EPPK1: variants seen among roughly 807,000 people sequenced by gnomAD.
EPPK1 encodes the protein epiplakin 1.
For synonymous variants in EPPK1, 1,862 were observed against 1,721.2 expected, an observed-to-expected ratio of 1.08 and a Z score of -2.03; for missense variants, 3,823 against 3,673.3, an observed-to-expected ratio of 1.04 and a Z score of -1.05.
At chr8:143,874,488 G>C (rs563172578) in intron 1 of EPPK1, among the ~76,000 whole-genome samples, 1 of 152,182 alleles carries the variant, frequency 6.6e-6, no homozygotes, top group Non-Finnish European at 1.5e-5. Context: ...GCCGTGTGAC[G>C]ACAGAGGCAG....
chr8:143,876,699 A>G (rs1489844889), intron 1 of EPPK1, among the ~76,000 whole-genome samples: 3 of 152,220 alleles, frequency 2.0e-5, no homozygotes, highest in African/African-American at 7.2e-5. Context: ...AGGACCCTCC[A>G]GGATCTGTGA....
chr8:143,867,312 G>A lies in EPPK1; in HGVS notation c.5942C>T (p.Pro1981Leu), dbSNP rs782487282. Reference sequence around the variant, plus strand: ...CAGCGGGATCGTGTCTCCTGTGGCCGGATCCCTGTAGCCCGTGGCAGCTCT... The same window carrying A: ...CAGCGGGATCGTGTCTCCTGTGGCCAGATCCCTGTAGCCCGTGGCAGCTCT... ...AERAATGYRD[P>L]ATGDTIPLFQ... Residue 1981 changes from proline (P) to leucine (L), a missense_variant, in exon 2 of 2, where the codon CCG (proline) becomes CTG (leucine). Physicochemically the swap from Pro to Leu is moderately conservative, Grantham distance 98. Coordinates refer to ENST00000615648, the MANE Select transcript of EPPK1 (RefSeq NM_031308.4). The A allele has an allele frequency of 2.3e-5, 37 of 1,612,448 alleles. No homozygotes were observed. Among genetic ancestry groups the A allele is most frequent in the South Asian group, 1.8e-4 (16 of 91,046 alleles).
intron 1 of EPPK1, among the ~76,000 whole-genome samples, chr8:143,878,072 C>T (rs1395519068): frequency 6.6e-6 from 1 of 152,112 alleles, no homozygotes; most frequent in Non-Finnish European, 1.5e-5. Context: ...CAGAGCGTGC[C>T]CCGGGCGGTC....
rs1554661745 is a variant in EPPK1 at position 143,872,871 on chromosome 8, C to T, written c.383G>A (p.Gly128Asp). Residue 128 changes from glycine (G) to aspartate (D), a missense_variant, in exon 2 of 2, where the codon GGT (glycine) becomes GAT (aspartate). Gly to Asp is a moderately conservative substitution (Grantham distance 94). Transcript: ENST00000615648. Reference protein sequence around the residue: ...ATTGYPDPYGGEKLALFQAIG... With the variant: ...ATTGYPDPYGDEKLALFQAIG... ...GGCCTGAAAGAGGGCCAGCTTCTCA[C>T]CGCCGTAGGGGTCAGGATAGCCCGT... The T allele has an allele frequency of 2.8e-5, 44 of 1,580,430 alleles. No homozygotes were observed. Among genetic ancestry groups the T allele is most frequent in the Non-Finnish European group, 3.7e-5 (43 of 1,164,018 alleles).
intron 1 of EPPK1, among the ~76,000 whole-genome samples, chr8:143,877,656 G>T (rs1819507537): frequency 6.6e-6 from 1 of 152,164 alleles, no homozygotes; most frequent in Admixed American, 6.5e-5. Context: ...GTCAGGTCAG[G>T]ACAGACCCTG....
chr8:143,866,846 C>T lies in EPPK1; in HGVS notation c.6408G>A (p.Lys2136=). ...LNSEYVTEEK[K]LQLVRMYRTH... Reference sequence around the variant, plus strand: ...TTCTATACATCCTCACCAGCTGGAGCTTCTTCTCCTCTGTCACGTATTCGG... The same window carrying T: ...TTCTATACATCCTCACCAGCTGGAGTTTCTTCTCCTCTGTCACGTATTCGG... Residue 2136 remains lysine, a synonymous_variant, in exon 2 of 2, where the codon AAG becomes AAA. Coordinates refer to ENST00000615648, the MANE Select transcript of EPPK1 (RefSeq NM_031308.4). The T allele has an allele frequency of 2.5e-6, 4 of 1,613,330 alleles. No homozygotes were observed. Among genetic ancestry groups the T allele is most frequent in the Non-Finnish European group, 3.4e-6 (4 of 1,179,826 alleles).
chr8:143,871,732 C>G lies in EPPK1; in HGVS notation c.1522G>C (p.Val508Leu), dbSNP rs782335972. ...GAGAAGAGCAGCTCCCAGAGGGACA[C>G]GGGCCGGCCCCGGAACTTCCCCACA... ...VSVGKFRGRP[V>L]SLWELLFSEA... The change falls in exon 2 of 2, where the codon GTG becomes CTG. Residue 508 changes from valine (V) to leucine (L), a missense_variant. Transcript: ENST00000615648. The G allele has an allele frequency of 6.2e-7, 1 of 1,609,044 alleles. No individual in the cohort carries two copies. The highest frequency in any genetic ancestry group is 8.5e-7 in the Non-Finnish European group (1 of 1,178,500).
upstream of EPPK1, among the ~76,000 whole-genome samples, chr8:143,879,189 T>G (rs1225434326): frequency 6.6e-6 from 1 of 152,018 alleles, no homozygotes; most frequent in Admixed American, 6.5e-5. Flanking sequence ...CTTCCATGGA[T>G]CTTCTGGAGG....
chr8:143,874,875 C>T (rs1554662151), intron 1 of EPPK1, among the ~76,000 whole-genome samples: 2 of 152,080 alleles, frequency 1.3e-5, no homozygotes, highest in African/African-American at 4.8e-5. Flanking sequence ...ACGTTTGACC[C>T]CCACCCCCAC....
intron 1 of EPPK1, 24 bp downstream of exon 1, chr8:143,878,414 C>CCGCACCCGT (rs1819530191): frequency 1.0e-5 from 1 of 96,772 alleles, no homozygotes; most frequent in African/African-American, 4.0e-5. Context: ...GCCGCACCCG[C>CCGCACCCGT]CGCACCCGCC....
rs782649866 is a variant in EPPK1 at position 143,869,350 on chromosome 8, C to T, written c.3904G>A (p.Asp1302Asn). Residue 1302 changes from aspartate to asparagine, a missense_variant, in exon 2 of 2, where the codon GAC (aspartate) becomes AAC (asparagine). Coordinates refer to ENST00000615648, the MANE Select transcript of EPPK1 (RefSeq NM_031308.4). ...CCCACCAGGCCGACCTTAACCGCGTCCTCCACTGACAGTCTCTGGTTGTTC... is the reference window on the plus strand; with the variant it reads ...CCCACCAGGCCGACCTTAACCGCGTTCTCCACTGACAGTCTCTGGTTGTTC... ...PLNNQRLSVE[D>N]AVKVGLVGRE... The T allele has an allele frequency of 3.7e-6, 6 of 1,610,424 alleles. No homozygotes were observed. In the Admixed American group the frequency reaches 8.4e-5, roughly 22 times the overall value.
chr8:143,872,134 G>A lies in EPPK1; in HGVS notation c.1120C>T (p.Gln374Ter). The change falls in exon 2 of 2, where the codon CAA becomes TAA. Residue 374 changes from glutamine (Q) to a stop codon, truncating the protein, a stop_gained. Transcript: ENST00000615648. LOFTEE classifies it low-confidence loss of function (END_TRUNC). The part of the protein sequence containing the change: ...TGHHDPFSGS[Q>*]IPLFQAMKKG... ...TTCATGGCCTGGAAAAGGGGGATTTGGGAGCCACTGAAGGGGTCGTGGTGC... is the reference window on the plus strand; with the variant it reads ...TTCATGGCCTGGAAAAGGGGGATTTAGGAGCCACTGAAGGGGTCGTGGTGC... 1.3e-6 allele frequency: 2 copies of A among 1,570,358 alleles called. No homozygotes were observed. The highest frequency in any genetic ancestry group is 1.7e-6 in the Non-Finnish European group (2 of 1,158,800).
intron 1 of EPPK1, among the ~76,000 whole-genome samples, chr8:143,877,367 T>G (rs1436616027): frequency 2.6e-5 from 4 of 152,078 alleles, no homozygotes; most frequent in Non-Finnish European, 5.9e-5. Flanking sequence ...TGGGGGCATC[T>G]GGAGGAGGTG....
At position 143,870,978 on chromosome 8, in the gene EPPK1, T is replaced by G; in HGVS notation, c.2276A>C (p.Asp759Ala). The part of the protein sequence containing the change: ...FDQMLNLILL[D>A]PSDDTKGFFD... ...GAAGCCCTTGGTGTCGTCAGAAGGGTCCAACAGGATCAAGTTCAGCATCTG... is the reference window on the plus strand; with the variant it reads ...GAAGCCCTTGGTGTCGTCAGAAGGGGCCAACAGGATCAAGTTCAGCATCTG... Residue 759 changes from aspartate to alanine, a missense_variant, in exon 2 of 2, where the codon GAC (aspartate) becomes GCC (alanine). By Grantham distance (126) the Asp-to-Ala change is moderately radical. Transcript: ENST00000615648. This position sits in a 1 kb window ranked among gnomAD's most constrained non-coding sequence, Gnocchi z 5.2. The G allele has an allele frequency of 1.9e-6, 3 of 1,613,240 alleles. No homozygotes were observed. The highest frequency in any genetic ancestry group is 2.5e-6 in the Non-Finnish European group (3 of 1,179,960).
At position 143,871,907 on chromosome 8, in the gene EPPK1, T is replaced by C; in HGVS notation, c.1347A>G (p.Glu449=). 1 of 1,608,144 alleles carries C rather than the reference T, an allele frequency of 6.2e-7. No homozygotes were observed. The highest frequency in any genetic ancestry group is 8.5e-7 in the Non-Finnish European group (1 of 1,179,646). ...CGGTGACACAGAGGGCCAGCAGCTGTTCATAGCGCAGGCCGCCGTGCGTGC... is the reference window on the plus strand; with the variant it reads ...CGGTGACACAGAGGGCCAGCAGCTGCTCATAGCGCAGGCCGCCGTGCGTGC... ...SDGTHGGLRY[E]QLLALCVTDP... The change falls in exon 2 of 2, where the codon GAA becomes GAG. Residue 449 remains glutamate (E), a synonymous_variant. Coordinates refer to ENST00000615648, the MANE Select transcript of EPPK1 (RefSeq NM_031308.4).
Position 143,872,396 on chromosome 8 carries a change from G to A in EPPK1, c.858C>T (p.Ser286=), listed in dbSNP as rs781800583. 2.7e-5 allele frequency: 43 copies of A among 1,602,624 alleles called. No individual in the cohort carries two copies. Among genetic ancestry groups the A allele is most frequent in the East Asian group, 2.5e-4 (11 of 44,852 alleles). ...EVRRYLEGTG[S]VAGVVLLPEG... ...CGGGCAGCAGGACAACCCCGGCCACGCTGCCGGTACCCTCCAGGTAGCGCC... is the reference window on the plus strand; with the variant it reads ...CGGGCAGCAGGACAACCCCGGCCACACTGCCGGTACCCTCCAGGTAGCGCC... The change falls in exon 2 of 2, where the codon AGC becomes AGT. Residue 286 remains serine (S), a synonymous_variant. Coordinates refer to ENST00000615648, the MANE Select transcript of EPPK1 (RefSeq NM_031308.4).
At chr8:143,875,998 G>A (rs546019498) in intron 1 of EPPK1, among the ~76,000 whole-genome samples, 20 of 152,170 alleles carry the variant, frequency 1.3e-4, no homozygotes, top group Non-Finnish European at 1.9e-4. Context: ...CGACCCCACA[G>A]CTCTGGGGCG....
In EPPK1 at chr8:143,867,031, G is replaced by A; in HGVS notation, c.6223C>T (p.Gln2075Ter). 29 of 1,612,816 alleles carry A rather than the reference G, an allele frequency of 1.8e-5. No homozygotes were observed. The highest frequency in any genetic ancestry group is 2.5e-5 in the Non-Finnish European group (29 of 1,179,842). The change falls in exon 2 of 2, where the codon CAA (glutamine) becomes TAA (stop). Residue 2075 changes from glutamine (Q) to a stop codon, truncating the protein, a stop_gained. Transcript: ENST00000615648. LOFTEE classifies it low-confidence loss of function (END_TRUNC). ...YRELQERCRP[Q>*]EDTGWLLFPV... The stretch of plus-strand genomic sequence containing the variant: ...AACAGCAGCCAGCCCGTGTCCTCTT[G>A]TGGGCGGCACCTCTCCTGCAGCTCT...
intron 1 of EPPK1, among the ~76,000 whole-genome samples, chr8:143,875,041 A>G (rs1819454302): frequency 6.6e-6 from 1 of 151,346 alleles, no homozygotes; most frequent in African/African-American, 2.4e-5. Flanking sequence ...TAACTCTGAG[A>G]CCTCCTCCCA....
Sources: allele counts gnomAD v4.1 joint callset (sites outside exome capture counted in the v4.1 genomes callset), GRCh38; gene constraint gnomAD v4.1.1; non-coding constraint Gnocchi (gnomAD v3.1); transcripts MANE v1.5; gene names NCBI Gene and HGNC (gene_info 2026-07-23, HGNC 2026-07-21).